The following ROR1 variants were observed in gnomAD, a reference collection of about 807,000 sequenced individuals.
ROR1 encodes inactive tyrosine-protein kinase transmembrane receptor ROR1.
A neutral mutation model predicts 78.8 loss-of-function variants in ROR1; 19 were observed. That is an observed-to-expected ratio of 0.24 (90% CI 0.17 to 0.35). The LOEUF is 0.35. Ranked by LOEUF, ROR1 falls within the 10% of genes least tolerant of loss-of-function variation. ROR1 has a pLI of 1.00. For missense variants in ROR1, 917 were observed against 1,177.8 expected (o/e 0.78, Z 3.24); for synonymous variants, 386 against 433.6 (o/e 0.89, Z 1.36).
At chr1:63,959,764 A>T (rs764961035) in intron 1 of ROR1, among the ~76,000 whole-genome samples, 25 of 152,046 alleles carry the variant, frequency 1.6e-4, no homozygotes, top group Non-Finnish European at 2.9e-4. Context: ...TCCAGTTCCC[A>T]TTGCCCTCCT....
At chr1:63,797,770 G>A (rs1644770223) in intron 1 of ROR1, among the ~76,000 whole-genome samples, 1 of 151,900 alleles carries the variant, frequency 6.6e-6, no homozygotes, top group Non-Finnish European at 1.5e-5. Flanking sequence ...TGTTTGTTAT[G>A]GTTATCATTT....
intron 1 of ROR1, among the ~76,000 whole-genome samples, chr1:64,001,645 T>C (rs1646383952): frequency 6.6e-6 from 1 of 152,158 alleles, no homozygotes; most frequent in African/African-American, 2.4e-5. Context: ...CTGAATGGAC[T>C]TTCAAGAGTC....
chr1:63,807,149 A>T (rs184314816), intron 1 of ROR1, among the ~76,000 whole-genome samples: 2 of 152,334 alleles, frequency 1.3e-5, no homozygotes, highest in Admixed American at 1.3e-4. Context: ...GCCAGGACAG[A>T]TGGTCTTCTG....
chr1:64,057,587 C>A (rs866781695), intron 4 of ROR1, among the ~76,000 whole-genome samples: 1 of 152,110 alleles, frequency 6.6e-6, no homozygotes, highest in Non-Finnish European at 1.5e-5. Context: ...TCAGAGATAC[C>A]TCTTAAGGCC....
chr1:63,917,453 A>G (rs1177857719), intron 1 of ROR1, among the ~76,000 whole-genome samples: 4 of 152,220 alleles, frequency 2.6e-5, no homozygotes, highest in Non-Finnish European at 5.9e-5. Flanking sequence ...ATAAAATAAT[A>G]TGATTTTCCC....
Position 63,988,974 on chromosome 1 carries a change from T to A in ROR1, c.92-20331T>A, listed in dbSNP as rs575184620. On this transcript the variant is annotated intron_variant, in intron 1 of 8. Coordinates refer to ENST00000371079, the MANE Select transcript of ROR1 (RefSeq NM_005012.4). ...GCATATTTGAGTCCCTACTTTCAAT[T>A]CTTTTGTGTATATATTCCCAAAAGC... 3.9e-5 allele frequency among the ~76,000 whole-genome samples: 6 copies of A among 152,310 alleles called. No homozygotes were observed. In the South Asian group the frequency reaches 1.2e-3, roughly 32 times the overall value.
At chr1:64,018,125 C>G (rs1244552711) in intron 2 of ROR1, among the ~76,000 whole-genome samples, 1 of 152,122 alleles carries the variant, frequency 6.6e-6, no homozygotes, top group Admixed American at 6.5e-5. Context: ...GACTAGGGTC[C>G]TGCTCACAGG....
chr1:63,804,165 G>A (rs1644814546), intron 1 of ROR1, among the ~76,000 whole-genome samples: 1 of 152,100 alleles, frequency 6.6e-6, no homozygotes, highest in Non-Finnish European at 1.5e-5. Flanking sequence ...CTGTGAAGGA[G>A]GATCATGAGG....
chr1:64,076,191 A>G (rs1362645397), intron 4 of ROR1, among the ~76,000 whole-genome samples: 1 of 152,184 alleles, frequency 6.6e-6, no homozygotes, highest in Non-Finnish European at 1.5e-5. Context: ...GTTGCAAATC[A>G]AAGCCCCAAC....
rs1557686064 is a variant in ROR1, at chr1:64,178,185, A to G, written c.2144A>G (p.Glu715Gly). The change falls in exon 9 of 9, where the codon GAA becomes GGA. Residue 715 changes from glutamate (E) to glycine (G), a missense_variant. Physicochemically the swap from Glu to Gly is moderately conservative, Grantham distance 98 (BLOSUM62 -2). Coordinates refer to ENST00000371079, the MANE Select transcript of ROR1 (RefSeq NM_005012.4). The surrounding 1 kb of genome is among the most constrained non-coding windows in gnomAD (Gnocchi z 4.3). ...VRKRQLLPCS[E>G]DCPPRMYSLM... ...AAACGGCAGCTCTTACCATGCTCTG[A>G]AGACTGCCCACCCAGAATGTACAGC... 6.2e-7 allele frequency: 1 copy of G among 1,614,166 alleles called. No homozygotes were observed. Among genetic ancestry groups the G allele is most frequent in the Non-Finnish European group, 8.5e-7 (1 of 1,180,024 alleles).
At chr1:64,046,521 A>G (rs1569620621) in intron 2 of ROR1, among the ~76,000 whole-genome samples, 2 of 152,194 alleles carry the variant, frequency 1.3e-5, no homozygotes, top group African/African-American at 4.8e-5. Context: ...TTTTAGATAG[A>G]TATTTTATAG....
At chr1:63,950,579 C>T (rs1358436889) in intron 1 of ROR1, among the ~76,000 whole-genome samples, 9 of 152,168 alleles carry the variant, frequency 5.9e-5, no homozygotes, top group Non-Finnish European at 1.2e-4. Flanking sequence ...TGCCAACCTC[C>T]AATGTCATCC....
At chr1:64,070,763 T>C (rs1646996934) in intron 4 of ROR1, among the ~76,000 whole-genome samples, 1 of 152,158 alleles carries the variant, frequency 6.6e-6, no homozygotes, top group Admixed American at 6.5e-5. Flanking sequence ...TGGTGAACAA[T>C]ACCAGGCAAA....
intron 1 of ROR1, among the ~76,000 whole-genome samples, chr1:64,007,377 A>AGTGT (rs59753220): frequency 0.023 from 3,314 of 145,388 alleles, 44 homozygotes; most frequent in Non-Finnish European, 0.026. Flanking sequence ...TAATGTTCTG[A>AGTGT]GTGTGTGTGT....
At chr1:63,962,928 T>G (rs1646041762) in intron 1 of ROR1, among the ~76,000 whole-genome samples, 1 of 152,176 alleles carries the variant, frequency 6.6e-6, no homozygotes, top group South Asian at 2.1e-4. Context: ...AAGATGGTTC[T>G]CAAGACCAGG....
At chr1:63,974,489 C>A (rs529125084) in intron 1 of ROR1, among the ~76,000 whole-genome samples, 1 of 152,300 alleles carries the variant, frequency 6.6e-6, no homozygotes, top group African/African-American at 2.4e-5. Flanking sequence ...GTCACGCAGG[C>A]TGGAGTGCAG....
intron 1 of ROR1, among the ~76,000 whole-genome samples, chr1:63,806,392 A>G (rs1644829286): frequency 7.1e-6 from 1 of 141,472 alleles, no homozygotes; most frequent in Middle Eastern, 3.9e-3. Context: ...ATCCCAGCCC[A>G]CTGCAAGCTC....
chr1:64,128,254 A>C (rs1425254328), intron 4 of ROR1, among the ~76,000 whole-genome samples: 1 of 147,848 alleles, frequency 6.8e-6, no homozygotes, highest in Non-Finnish European at 1.5e-5. Context: ...CAGGAGTTCA[A>C]GACCAGCCTG....
intron 1 of ROR1, among the ~76,000 whole-genome samples, chr1:63,971,317 A>T (rs561106671): frequency 6.6e-6 from 1 of 152,338 alleles, no homozygotes; most frequent in South Asian, 2.1e-4. Flanking sequence ...ATAAGCTATT[A>T]TAAGGATTAA....
Sources: gnomAD v4.1 joint callset for allele counts (sites outside exome capture counted in the v4.1 genomes callset) on GRCh38, gnomAD v4.1.1 for gene constraint, Gnocchi (gnomAD v3.1) non-coding constraint, MANE v1.5 for transcripts, NCBI Gene and HGNC (gene_info 2026-07-23, HGNC 2026-07-21) for gene names.